Variants in SEPTIN9 observed in about 807,000 individuals in gnomAD.
SEPTIN9 encodes septin-9.
In SEPTIN9, 13 loss-of-function variants were observed where a neutral mutation model predicts 56.6. The ratio of observed to expected loss-of-function variants is 0.23; its 90% CI spans 0.15 to 0.37. The LOEUF is 0.37. SEPTIN9 is among the 10% of genes least tolerant of loss of function. SEPTIN9 has a pLI of 1.00. For synonymous variants in SEPTIN9, 332 were observed against 334.1 expected, an observed-to-expected ratio of 0.99 and a Z score of 0.07; for missense variants, 650 against 823.1, an observed-to-expected ratio of 0.79 and a Z score of 2.57.
Position 77,382,184 on chromosome 17 carries a change from C to T in SEPTIN9, c.77-19875C>T, listed in dbSNP as rs11869848. ...CTGAGACTCCAGGCACGCACCACCA[C>T]GCCCAGCTAATTTTTTGTATTTTTA... On this transcript the variant is annotated intron_variant, in intron 2 of 11. Transcript: ENST00000427177. Among the ~76,000 whole-genome samples the T allele has an allele frequency of 3.3e-3, 495 of 152,260 alleles. 1 individual carries two copies. Among genetic ancestry groups the T allele is most frequent in the African/African-American group, 0.011 (469 of 41,570 alleles).
At chr17:77,398,645 C>T (rs2035803571) in intron 2 of SEPTIN9, among the ~76,000 whole-genome samples, 2 of 152,194 alleles carry the variant, frequency 1.3e-5, no homozygotes. Flanking sequence ...GGGGCATCTC[C>T]TGGGGAAGAT....
intron 3 of SEPTIN9, among the ~76,000 whole-genome samples, chr17:77,466,921 G>T (rs1013174571): frequency 1.3e-5 from 2 of 152,106 alleles, no homozygotes; most frequent in Non-Finnish European, 2.9e-5. Flanking sequence ...TGCTCAGCTC[G>T]GCCTCTGCAC....
chr17:77,439,760 C>T (rs1056378071), intron 3 of SEPTIN9, among the ~76,000 whole-genome samples: 6 of 152,230 alleles, frequency 3.9e-5, no homozygotes, highest in East Asian at 3.9e-4. Context: ...GCATCCTGAA[C>T]GGCTTCCCTG....
chr17:77,499,902 G>A lies in SEPTIN9; in HGVS notation c.*1244G>A, dbSNP rs918912707. On this transcript the variant is annotated 3_prime_UTR_variant, in exon 12 of 12. Transcript: ENST00000427177. Reference sequence around the variant, plus strand: ...TAGAAAGGAGAGAACGGGCGTCAGGGGTGCACAGTCCACAGCTGAAGAGCA... The same window carrying A: ...TAGAAAGGAGAGAACGGGCGTCAGGAGTGCACAGTCCACAGCTGAAGAGCA... 11 of 275,108 alleles carry A rather than the reference G, an allele frequency of 4.0e-5. No homozygotes were observed. Among genetic ancestry groups the A allele is most frequent in the Non-Finnish European group, 7.7e-5 (11 of 143,052 alleles). The allele number at this position is 275,108 out of a possible 1,614,324, so 17.0% of individuals were successfully genotyped here. A position where few individuals can be genotyped will look rare whatever the true frequency, so the allele number is the denominator to read the frequency against.
At chr17:77,338,904 G>T (rs1568001558) in intron 2 of SEPTIN9, among the ~76,000 whole-genome samples, 1 of 152,164 alleles carries the variant, frequency 6.6e-6, no homozygotes, top group Non-Finnish European at 1.5e-5. Context: ...TAAATCTTTT[G>T]TTGTCATTTC....
intron 2 of SEPTIN9, chr17:77,373,383 G>A (rs928089673): frequency 2.6e-5 from 32 of 1,237,256 alleles, no homozygotes; most frequent in Non-Finnish European, 3.2e-5. Context: ...CCGGCGGCTA[G>A]CTCTGCACTG....
At chr17:77,438,109 G>C (rs191057633) in intron 3 of SEPTIN9, among the ~76,000 whole-genome samples, 1 of 152,342 alleles carries the variant, frequency 6.6e-6, no homozygotes, top group East Asian at 1.9e-4. Context: ...CCTTGTGACC[G>C]AAAGGAGCTG....
At chr17:77,397,996 CAG>C (rs371185645) in intron 2 of SEPTIN9, among the ~76,000 whole-genome samples, 52 of 136,800 alleles carry the variant, frequency 3.8e-4, no homozygotes, top group African/African-American at 1.4e-3. Context: ...TTTTTTGAGA[CAG>C]AGTCTCACTC....
chr17:77,466,481 C>T lies in SEPTIN9; in HGVS notation c.722-15663C>T, dbSNP rs533581090. 39 of 985,502 alleles carry T rather than the reference C, an allele frequency of 4.0e-5. No homozygotes were observed. The East Asian group carries it at 1.4e-3, about 34-fold the overall frequency. 61.0% of individuals were successfully genotyped at this position (985,502 alleles called of 1,614,324 possible). A position where few individuals can be genotyped will look rare whatever the true frequency, so the allele number is the denominator to read the frequency against. ...CTGCTGCCTGTGTTAGCTGCGTGAG[C>T]GTGAGCGAGCCAGGGGTCACTACTG... On this transcript the variant is annotated intron_variant, in intron 3 of 11. Transcript: ENST00000427177.
In SEPTIN9 at chr17:77,433,239, C is replaced by T. The variant is rs1375077811; in HGVS notation, c.721+30536C>T. Among the ~76,000 whole-genome samples the T allele has an allele frequency of 6.6e-6, 1 of 152,200 alleles. No homozygotes were observed. The highest frequency in any genetic ancestry group is 2.4e-5 in the African/African-American group (1 of 41,444). On this transcript the variant is annotated intron_variant, in intron 3 of 11. Transcript: ENST00000427177. This position sits in a 1 kb window ranked among gnomAD's most constrained non-coding sequence, Gnocchi z 6.4. ...CCCTCTCGGTCACAGGATGCTGCAG[C>T]CACGTTGCAGGGAAGGAGAGCCTCC...
At position 77,476,841 on chromosome 17, in the gene SEPTIN9, C is replaced by G. The variant is rs1236787441; in HGVS notation, c.722-5303C>G. 6.6e-6 allele frequency among the ~76,000 whole-genome samples: 1 copy of G among 152,198 alleles called. No individual in the cohort carries two copies. Among genetic ancestry groups the G allele is most frequent in the Non-Finnish European group, 1.5e-5 (1 of 68,024 alleles). ...GCGACACCAACTTGAGAACCTCAGG[C>G]CTAAGTGTTGGCCTCTGGGCCTCAG... On this transcript the variant is annotated intron_variant, in intron 3 of 11. Transcript: ENST00000427177. The surrounding 1 kb of genome is among the most constrained non-coding windows in gnomAD (Gnocchi z 6.0).
rs548459048 is a variant in SEPTIN9, at chr17:77,410,829, G to A, written c.721+8126G>A. ...CCCTAGGTTCCAGGCCGGTGGTGTCGCCCCGTGTCTCTCTCACCCGCAAGC... is the reference window on the plus strand; with the variant it reads ...CCCTAGGTTCCAGGCCGGTGGTGTCACCCCGTGTCTCTCTCACCCGCAAGC... On this transcript the variant is annotated intron_variant, in intron 3 of 11. Transcript: ENST00000427177. Among the ~76,000 whole-genome samples the A allele has an allele frequency of 2.8e-4, 43 of 152,204 alleles. No homozygotes were observed. The Middle Eastern group carries it at 0.014, about 48-fold the overall frequency.
chr17:77,495,743 G>A (rs926153428), intron 10 of SEPTIN9, among the ~76,000 whole-genome samples: 10 of 152,186 alleles, frequency 6.6e-5, no homozygotes, highest in South Asian at 4.1e-4. Flanking sequence ...TGTGGACACC[G>A]CCCTACACAG....
At position 77,445,380 on chromosome 17, in the gene SEPTIN9, T is replaced by G. The variant is rs760906368; in HGVS notation, c.722-36764T>G. On this transcript the variant is annotated intron_variant, in intron 3 of 11. Coordinates refer to ENST00000427177, the MANE Select transcript of SEPTIN9 (RefSeq NM_001113491.2). The surrounding 1 kb of genome is among the most constrained non-coding windows in gnomAD (Gnocchi z 4.7). ...ATGGGAAGCATCTGCTGCATCCCAT[T>G]GGGGTGTTGCCCAGGATGGATTGGA... The G allele has an allele frequency of 6.4e-6, 3 of 466,476 alleles. No homozygotes were observed. The highest frequency in any genetic ancestry group is 1.3e-5 in the Non-Finnish European group (3 of 227,034). The allele number at this position is 466,476 out of a possible 1,614,324, so 28.9% of individuals were successfully genotyped here.
intron 10 of SEPTIN9, chr17:77,496,164 G>A (rs529747338): frequency 6.6e-6 from 1 of 151,990 alleles, no homozygotes; most frequent in African/African-American, 2.4e-5. Flanking sequence ...GAGTAGCTGG[G>A]ATTACAGGCG....
In SEPTIN9 at chr17:77,429,388, A is replaced by G. The variant is rs1363403247; in HGVS notation, c.721+26685A>G. ...TCGCAGGTTGCAAAATGGGGACATC[A>G]CCGTCCGCCTGGGCTACAGCGTGCT... On this transcript the variant is annotated intron_variant, in intron 3 of 11. Transcript: ENST00000427177. This position sits in a 1 kb window ranked among gnomAD's most constrained non-coding sequence, Gnocchi z 5.2. 2.3e-6 allele frequency: 1 copy of G among 426,336 alleles called. No individual in the cohort carries two copies. Among genetic ancestry groups the G allele is most frequent in the Admixed American group, 2.5e-5 (1 of 39,848 alleles). The allele number at this position is 426,336 out of a possible 1,614,324, so 26.4% of individuals were successfully genotyped here.
rs530328344 is a variant in SEPTIN9 at position 77,385,915 on chromosome 17, C to T, written c.77-16144C>T. On this transcript the variant is annotated intron_variant, in intron 2 of 11. Coordinates refer to ENST00000427177, the MANE Select transcript of SEPTIN9 (RefSeq NM_001113491.2). ...GCTGTGCCTTTGGAAACTGCTGGCC[C>T]GAGCTAGTGTGCGGAGCTGGGACAG... Among the ~76,000 whole-genome samples the T allele has an allele frequency of 2.4e-4, 37 of 152,312 alleles. No homozygotes were observed. The South Asian group carries it at 7.5e-3, about 31-fold the overall frequency.
At chr17:77,359,997 C>G (rs1489108148) in intron 2 of SEPTIN9, among the ~76,000 whole-genome samples, 1 of 151,872 alleles carries the variant, frequency 6.6e-6, no homozygotes, top group East Asian at 1.9e-4. Flanking sequence ...ATCTGTACTA[C>G]AAATACAAAA....
chr17:77,367,820 T>C lies in SEPTIN9; in HGVS notation c.77-34239T>C, dbSNP rs1050320966. Among the ~76,000 whole-genome samples the C allele has an allele frequency of 2.6e-5, 4 of 151,728 alleles. No homozygotes were observed. Among genetic ancestry groups the C allele is most frequent in the Admixed American group, 6.6e-5 (1 of 15,210 alleles). On this transcript the variant is annotated intron_variant, in intron 2 of 11. Transcript: ENST00000427177. The surrounding 1 kb of genome is among the most constrained non-coding windows in gnomAD (Gnocchi z 4.5). ...GACAGAGTGAGACTGTCTAAAATAA[T>C]AATAATGCTAATAATAAATAAAATA...
Sources: gnomAD v4.1 joint callset for allele counts (sites outside exome capture counted in the v4.1 genomes callset) on GRCh38, gnomAD v4.1.1 for gene constraint, Gnocchi (gnomAD v3.1) non-coding constraint, MANE v1.5 for transcripts, NCBI Gene and HGNC (gene_info 2026-07-23, HGNC 2026-07-21) for gene names.